Variants in HSD17B4 observed in about 807,000 individuals in gnomAD.
HSD17B4 encodes the protein peroxisomal multifunctional enzyme type 2.
In HSD17B4, 70 loss-of-function variants were observed where a neutral mutation model predicts 101.0. The ratio of observed to expected loss-of-function variants is 0.69; its 90% confidence interval spans 0.57 to 0.85. The LOEUF is 0.85. HSD17B4 is among the 40% of genes least tolerant of loss of function. The pLI is 0.00. For missense variants in HSD17B4, 984 were observed against 892.4 expected (o/e 1.10, Z -1.31); for synonymous variants, 347 against 297.1 (o/e 1.17, Z -1.73).
At chr5:119,479,104 G>T in intron 8 of HSD17B4, 83 bp downstream of exon 8, 4 of 1,002,626 alleles carry the variant, frequency 4.0e-6, no homozygotes, top group Non-Finnish European at 6.2e-6. Context: ...TTAATTTTCT[G>T]AATACTTAAA....
At chr5:119,453,483 T>G (rs1355052913) in intron 1 of HSD17B4, among the ~76,000 whole-genome samples, 1 of 152,246 alleles carries the variant, frequency 6.6e-6, no homozygotes, top group Non-Finnish European at 1.5e-5. Flanking sequence ...AGATTTTACA[T>G]TAGTTTCTCA....
At chr5:119,508,598 T>G (rs1282215189) in intron 15 of HSD17B4, among the ~76,000 whole-genome samples, 1 of 152,244 alleles carries the variant, frequency 6.6e-6, no homozygotes, top group African/African-American at 2.4e-5. Context: ...ACTCATATCA[T>G]TTATTCACTG....
At chr5:119,514,200 A>G (rs1752414213) in intron 16 of HSD17B4, among the ~76,000 whole-genome samples, 1 of 151,608 alleles carries the variant, frequency 6.6e-6, no homozygotes, top group African/African-American at 2.4e-5. Context: ...AACTTCCCTC[A>G]TGATCTTTTT....
In HSD17B4 at chr5:119,539,772, T is replaced by G. The variant is rs563753851; in HGVS notation, c.2122-2133T>G. On this transcript the variant is annotated intron_variant, in intron 23 of 23. Transcript: ENST00000510025. ...TATTTTTAAGGTTGGGATAAGATAA[T>G]TTACACACAACTGGAGGGAATATAA... Among the ~76,000 whole-genome samples the G allele has an allele frequency of 3.3e-5, 5 of 151,992 alleles. No homozygotes were observed. In the South Asian group the frequency reaches 1.0e-3, roughly 32 times the overall value.
chr5:119,472,804 A>G (rs1756509973), intron 2 of HSD17B4, among the ~76,000 whole-genome samples: 3 of 152,190 alleles, frequency 2.0e-5, no homozygotes, highest in Admixed American at 6.5e-5. Flanking sequence ...GTTCCTGGCA[A>G]CCATCATTCT....
At chr5:119,524,329 A>G (rs1362955995) in intron 17 of HSD17B4, among the ~76,000 whole-genome samples, 1 of 152,160 alleles carries the variant, frequency 6.6e-6, no homozygotes, top group Non-Finnish European at 1.5e-5. Context: ...TGTTAAAAAT[A>G]ATCAGTAGTT....
chr5:119,497,589 C>A (rs1028987071), intron 12 of HSD17B4, among the ~76,000 whole-genome samples: 3 of 152,042 alleles, frequency 2.0e-5, no homozygotes, highest in Non-Finnish European at 4.4e-5. Context: ...TGTTTTTTAC[C>A]CCTTTACCTA....
intron 1 of HSD17B4, among the ~76,000 whole-genome samples, chr5:119,455,805 C>T (rs1329873830): frequency 6.6e-6 from 1 of 152,090 alleles, no homozygotes; most frequent in Non-Finnish European, 1.5e-5. Flanking sequence ...GAGGCAATAC[C>T]TCTGAGGCTG....
intron 21 of HSD17B4, among the ~76,000 whole-genome samples, chr5:119,530,789 G>A (rs1754002308): frequency 7.2e-6 from 1 of 137,972 alleles, no homozygotes; most frequent in African/African-American, 2.6e-5. Context: ...GGAGGTGGAG[G>A]TTGCAGTGAG....
intron 21 of HSD17B4, 49 bp downstream of exon 21, chr5:119,530,029 C>T (rs773427093): frequency 9.1e-7 from 1 of 1,093,254 alleles, no homozygotes; most frequent in South Asian, 1.2e-5. Flanking sequence ...TTAGGAATTT[C>T]AGTTAAGGTG....
intron 8 of HSD17B4, among the ~76,000 whole-genome samples, chr5:119,480,943 G>A (rs922080991): frequency 7.2e-5 from 11 of 152,310 alleles, no homozygotes; most frequent in African/African-American, 2.6e-4. Context: ...CGGCTCACCA[G>A]CGGTCAGAGT....
At chr5:119,499,242 A>G in intron 12 of HSD17B4, 75 bp from the exon 13 acceptor site, 1 of 974,614 alleles carries the variant, frequency 1.0e-6, no homozygotes, top group Non-Finnish European at 1.7e-6. Context: ...TTCAAAAACA[A>G]AACTAGGTAT....
At position 119,493,923 on chromosome 5, in the gene HSD17B4, C is replaced by T; in HGVS notation, c.845C>T (p.Ala282Val). The T allele has an allele frequency of 6.2e-7, 1 of 1,613,150 alleles. No homozygotes were observed. The highest frequency in any genetic ancestry group is 2.2e-5 in the East Asian group (1 of 44,844). ...AAGAAGATCTGTGACTTTGAGAATGCCAGCAAGCCTCAGAGTATCCAAGGT... is the reference window on the plus strand; with the variant it reads ...AAGAAGATCTGTGACTTTGAGAATGTCAGCAAGCCTCAGAGTATCCAAGGT... Reference protein sequence around the residue: ...NWKKICDFENASKPQSIQEST... With the variant: ...NWKKICDFENVSKPQSIQEST... Residue 282 changes from alanine (A) to valine (V), a missense_variant, in exon 11 of 24, where the codon GCC becomes GTC. Coordinates refer to ENST00000510025, the MANE Select transcript of HSD17B4 (RefSeq NM_000414.4).
chr5:119,476,058 A>G (rs1748553888), intron 6 of HSD17B4, among the ~76,000 whole-genome samples, 188 bp downstream of exon 6: 2 of 152,222 alleles, frequency 1.3e-5, no homozygotes, highest in South Asian at 4.1e-4. Flanking sequence ...AACATTTAAT[A>G]CTTTTAAAAA....
chr5:119,514,078 T>C (rs1752401804), intron 16 of HSD17B4, among the ~76,000 whole-genome samples: 1 of 152,118 alleles, frequency 6.6e-6, no homozygotes, highest in Non-Finnish European at 1.5e-5. Context: ...GAAAATGAAT[T>C]TGTAAATAAA....
In HSD17B4 at chr5:119,515,171, A is replaced by G; in HGVS notation, c.1503+125A>G. 5.9e-6 allele frequency: 4 copies of G among 675,226 alleles called. No individual in the cohort carries two copies. The South Asian group carries it at 7.1e-5, about 12-fold the overall frequency. The allele number at this position is 675,226 out of a possible 1,614,324, so 41.8% of individuals were successfully genotyped here. On this transcript the variant is annotated intron_variant, in intron 17 of 23. Transcript: ENST00000510025. Reference sequence around the variant, plus strand: ...TGAATAATATGTTATTATTCAACATAATAAACATACAGACATGTTTCCTGT... The same window carrying G: ...TGAATAATATGTTATTATTCAACATGATAAACATACAGACATGTTTCCTGT...
intron 6 of HSD17B4, chr5:119,476,780 CCTCT>C (rs562189553): frequency 1.2e-6 from 1 of 824,184 alleles, no homozygotes; most frequent in African/African-American, 1.9e-5. Context: ...TACCCTTCTC[CCTCT>C]CTTTCTTTTT....
At position 119,531,568 on chromosome 5, in the gene HSD17B4, G is replaced by GGT. The variant is rs57579065; in HGVS notation, c.1993+191_1993+192dup. Among the ~76,000 whole-genome samples, 6,432 of 116,394 alleles carry GGT rather than the reference G, an allele frequency of 0.055. 175 individuals carry two copies. Among genetic ancestry groups the GGT allele is most frequent in the Middle Eastern group, 0.088 (20 of 228 alleles). 76.4% of individuals were successfully genotyped at this position (116,394 alleles called of 152,430 possible). A position where few individuals can be genotyped will look rare whatever the true frequency, so the allele number is the denominator to read the frequency against. ...ATAGGTTTGGGAATGTCCAAAGGGG[G>GGT]GTGTGTGTGTGTGTGTGTGTGTGTG... On this transcript the variant is annotated intron_variant, in intron 22 of 23. Coordinates refer to ENST00000510025, the MANE Select transcript of HSD17B4 (RefSeq NM_000414.4).
In HSD17B4 at chr5:119,457,895, T is replaced by C. The variant is rs78917147; in HGVS notation, c.112+1527T>C. 5.9e-5 allele frequency among the ~76,000 whole-genome samples: 9 copies of C among 152,302 alleles called. No homozygotes were observed. In the East Asian group the frequency reaches 1.7e-3, roughly 29 times the overall value. ...GTGTGTTTGAGATTGGTTGAATACA[T>C]TTCTTTTTTTTGTTCTTGACTAAGA... is the stretch of plus-strand genomic sequence containing the variant. On this transcript the variant is annotated intron_variant, in intron 2 of 23. Transcript: ENST00000510025.
Sources: gnomAD v4.1 joint callset for allele counts (sites outside exome capture counted in the v4.1 genomes callset) on GRCh38, gnomAD v4.1.1 for gene constraint, MANE v1.5 for transcripts, NCBI Gene and HGNC (gene_info 2026-07-23, HGNC 2026-07-21) for gene names.